Variants in ANO3 observed in about 807,000 individuals in gnomAD.
ANO3 encodes anoctamin 3, also known as anoctamin-3.
A neutral mutation model predicts 144.8 loss-of-function variants in ANO3; 99 were observed. The observed-to-expected ratio is 0.68, with a 90% CI of 0.58 to 0.81. The LOEUF (loss-of-function observed/expected upper bound fraction) is 0.81. Ranked by LOEUF, ANO3 falls within the 30% of genes least tolerant of loss-of-function variation. ANO3 has a pLI of 0.00. For missense variants in ANO3, 905 were observed against 1,202.2 expected (o/e 0.75, Z 3.66); for synonymous variants, 414 against 392.6 (o/e 1.05, Z -0.64).
At position 26,605,147 on chromosome 11, in the gene ANO3, G is replaced by A. The variant is rs1032984816; in HGVS notation, c.1836+5433G>A. On this transcript the variant is annotated intron_variant, in intron 17 of 26. Coordinates refer to ENST00000256737, the MANE Select transcript of ANO3 (RefSeq NM_031418.4). ...GAAGGGATATTGAATTTTATCGAAG[G>A]CCTTTTCTGCATCTATTGAGATAAC... 2.1e-4 allele frequency among the ~76,000 whole-genome samples: 32 copies of A among 152,082 alleles called. 1 individual carries two copies. Among genetic ancestry groups the A allele is most frequent in the African/African-American group, 7.7e-4 (32 of 41,388 alleles).
intron 1 of ANO3, among the ~76,000 whole-genome samples, chr11:26,385,908 T>TAC (rs60739096): frequency 1.3e-5 from 2 of 149,458 alleles, no homozygotes; most frequent in East Asian, 2.0e-4. Flanking sequence ...TATATTTATA[T>TAC]ACATATTTAC....
At chr11:26,191,595 T>C (rs1851479479) in intron 1 of ANO3, among the ~76,000 whole-genome samples, 1 of 152,232 alleles carries the variant, frequency 6.6e-6, no homozygotes, top group Admixed American at 6.5e-5. Context: ...GTTATAAACC[T>C]GGTGCTCTAT....
intron 1 of ANO3, among the ~76,000 whole-genome samples, chr11:26,359,377 T>C (rs565048353): frequency 6.6e-6 from 1 of 152,298 alleles, no homozygotes; most frequent in African/African-American, 2.4e-5. Context: ...AAGGCAGTAT[T>C]CCCTGAAGTG....
chr11:26,277,447 T>TA (rs1853582354), intron 1 of ANO3, among the ~76,000 whole-genome samples: 1 of 152,112 alleles, frequency 6.6e-6, no homozygotes, highest in Non-Finnish European at 1.5e-5. Context: ...TAAGAATCCT[T>TA]AAGTGGATCC....
At position 26,332,287 on chromosome 11, in the gene ANO3, T is replaced by G. The variant is rs951443822; in HGVS notation, c.12T>G (p.His4Gln). MVH[H>Q]SGSIQSFKQQ... ...CGCGCAGAGTGAAAATGGTCCACCA[T>G]TCAGGCTCCATTCAGTCCTTTAAAC... Residue 4 changes from histidine to glutamine, a missense_variant, in exon 1 of 27, where the codon CAT (histidine) becomes CAG (glutamine). Coordinates refer to ENST00000256737, the MANE Select transcript of ANO3 (RefSeq NM_031418.4). The G allele has an allele frequency of 6.2e-6, 10 of 1,613,826 alleles. No homozygotes were observed. The highest frequency in any genetic ancestry group is 8.5e-6 in the Non-Finnish European group (10 of 1,179,992).
At chr11:26,412,557 A>G (rs1036134796) in intron 1 of ANO3, among the ~76,000 whole-genome samples, 14 of 151,660 alleles carry the variant, frequency 9.2e-5, no homozygotes, top group African/African-American at 3.1e-4. Context: ...GGCACCTGGT[A>G]TACTCAAATC....
At chr11:26,643,456 T>G in intron 23 of ANO3, 122 bp downstream of exon 23, 1 of 1,252,490 alleles carries the variant, frequency 8.0e-7, no homozygotes, top group Non-Finnish European at 1.1e-6. Context: ...TAAGAGGCCT[T>G]TAAGAAGTGA....
chr11:26,540,546 A>G (rs1471967974), intron 10 of ANO3, among the ~76,000 whole-genome samples: 2 of 152,106 alleles, frequency 1.3e-5, no homozygotes, highest in East Asian at 1.9e-4. Flanking sequence ...AAAATTTTGC[A>G]ATCTATTGAT....
intron 3 of ANO3, among the ~76,000 whole-genome samples, chr11:26,450,478 G>A (rs1158216009): frequency 6.6e-6 from 1 of 152,126 alleles, no homozygotes; most frequent in Non-Finnish European, 1.5e-5. Context: ...TTGTTACTGT[G>A]TCCTAACCAC....
chr11:26,451,280 G>C (rs1858924169), intron 3 of ANO3, among the ~76,000 whole-genome samples: 1 of 152,228 alleles, frequency 6.6e-6, no homozygotes, highest in Non-Finnish European at 1.5e-5. Flanking sequence ...AGCAGGGCAA[G>C]GCATTGCCTC....
At chr11:26,362,740 ATT>A (rs1434237666) in intron 1 of ANO3, among the ~76,000 whole-genome samples, 1 of 152,146 alleles carries the variant, frequency 6.6e-6, no homozygotes. Flanking sequence ...ATGTTTTTAT[ATT>A]TTGTTAGTTG....
chr11:26,239,186 T>C (rs1418313300), intron 1 of ANO3, among the ~76,000 whole-genome samples: 2 of 151,996 alleles, frequency 1.3e-5, no homozygotes. Context: ...AATATTTACA[T>C]AATAATGCAT....
intron 5 of ANO3, 62 bp downstream of exon 5, chr11:26,508,324 TG>T (rs1356282444): frequency 6.8e-7 from 1 of 1,467,800 alleles, no homozygotes; most frequent in Admixed American, 2.6e-5. Flanking sequence ...TAATCACTTA[TG>T]GTTTAGAAAG....
chr11:26,206,651 T>G (rs1489636084), intron 1 of ANO3, among the ~76,000 whole-genome samples: 3 of 152,162 alleles, frequency 2.0e-5, no homozygotes, highest in African/African-American at 7.2e-5. Flanking sequence ...AATCAGAGTA[T>G]TCTCAATCAA....
chr11:26,637,545 GC>G (rs1162633718), intron 20 of ANO3, among the ~76,000 whole-genome samples: 2 of 152,236 alleles, frequency 1.3e-5, no homozygotes, highest in East Asian at 3.9e-4. Flanking sequence ...TCTGTGATTT[GC>G]CCCCGTAGCT....
chr11:26,570,868 C>T (rs1308111693), intron 14 of ANO3, among the ~76,000 whole-genome samples: 2 of 151,990 alleles, frequency 1.3e-5, no homozygotes, highest in Non-Finnish European at 2.9e-5. Context: ...AGACATCCTT[C>T]TAAAAATGCC....
intron 1 of ANO3, among the ~76,000 whole-genome samples, chr11:26,281,935 A>C (rs1012355672): frequency 3.9e-5 from 6 of 152,168 alleles, no homozygotes; most frequent in African/African-American, 1.4e-4. Flanking sequence ...TCGTCTATAC[A>C]ACCATGTGGA....
chr11:26,215,962 AG>A (rs937030938), intron 1 of ANO3, among the ~76,000 whole-genome samples: 5 of 151,970 alleles, frequency 3.3e-5, no homozygotes, highest in Non-Finnish European at 5.9e-5. Flanking sequence ...TTCATCAACC[AG>A]GGTACGATTA....
chr11:26,570,510 G>A (rs1850781147), intron 14 of ANO3, among the ~76,000 whole-genome samples: 1 of 152,036 alleles, frequency 6.6e-6, no homozygotes, highest in Admixed American at 6.6e-5. Context: ...CCATATAAGG[G>A]CAAAGAAATG....
Sources: gnomAD v4.1 joint callset for allele counts (sites outside exome capture counted in the v4.1 genomes callset) on GRCh38, gnomAD v4.1.1 for gene constraint, MANE v1.5 for transcripts, NCBI Gene and HGNC (gene_info 2026-07-23, HGNC 2026-07-21) for gene names.